PCCB: variants seen among roughly 807,000 people sequenced by gnomAD.
PCCB encodes propionyl-CoA carboxylase beta chain, mitochondrial.
A neutral mutation model predicts 60.7 loss-of-function variants in PCCB; 43 were observed. The ratio of observed to expected loss-of-function variants is 0.71; its 90% CI spans 0.55 to 0.91. The LOEUF (loss-of-function observed/expected upper bound fraction) is 0.91. Ranked by LOEUF, PCCB falls within the 40% of genes least tolerant of loss-of-function variation. The pLI, the probability that PCCB is intolerant of heterozygous loss-of-function variation, is 0.00. For missense variants in PCCB, 766 were observed against 702.8 expected (o/e 1.09, Z -1.02); for synonymous variants, 276 against 255.9 (o/e 1.08, Z -0.75).
At chr3:136,256,200 C>T (rs1166069842) in intron 2 of PCCB, 8 of 616,672 alleles carry the variant, frequency 1.3e-5, no homozygotes, top group Non-Finnish European at 2.2e-5. Context: ...ACCTCGGACT[C>T]CCAAAGTGTT....
intron 6 of PCCB, among the ~76,000 whole-genome samples, chr3:136,292,949 A>G (rs989696606): frequency 6.6e-6 from 1 of 152,132 alleles, no homozygotes; most frequent in African/African-American, 2.4e-5. Context: ...TATATTATCT[A>G]TATATTAGAA....
chr3:136,304,904 A>G (rs1220099039), intron 9 of PCCB, among the ~76,000 whole-genome samples: 2 of 119,426 alleles, frequency 1.7e-5, no homozygotes, highest in African/African-American at 2.5e-5. Context: ...GTTTGCCAGG[A>G]TGGTCTTGAT....
chr3:136,264,237 TAAAG>T (rs1425002340), intron 5 of PCCB, among the ~76,000 whole-genome samples: 1 of 151,972 alleles, frequency 6.6e-6, no homozygotes, highest in Non-Finnish European at 1.5e-5. Flanking sequence ...TGGGTATTTC[TAAAG>T]AATAAAGATA....
At chr3:136,310,950 T>C (rs1934640499) in intron 9 of PCCB, among the ~76,000 whole-genome samples, 1 of 152,162 alleles carries the variant, frequency 6.6e-6, no homozygotes, top group South Asian at 2.1e-4. Context: ...AAATTTGGTA[T>C]AGACCTTTTC....
chr3:136,300,095 CAT>C (rs962123122), intron 8 of PCCB, among the ~76,000 whole-genome samples: 4 of 151,766 alleles, frequency 2.6e-5, no homozygotes, highest in African/African-American at 9.7e-5. Context: ...CATATCTACA[CAT>C]ATACATACAT....
At chr3:136,321,739 A>T (rs971960203) in intron 10 of PCCB, among the ~76,000 whole-genome samples, 1 of 152,314 alleles carries the variant, frequency 6.6e-6, no homozygotes, top group Admixed American at 6.5e-5. Context: ...GGGCACACAG[A>T]GCTATCCCAT....
rs2108137236 is a variant in PCCB, at chr3:136,255,847, C to T, written c.184-9C>T. 1.9e-6 allele frequency: 3 copies of T among 1,613,010 alleles called. No individual in the cohort carries two copies. Among genetic ancestry groups the T allele is most frequent in the South Asian group, 1.1e-5 (1 of 91,058 alleles). On this transcript the variant is annotated splice_polypyrimidine_tract_variant and intron_variant, in intron 1 of 14. Transcript: ENST00000251654. ...ATGACATCACTGAGTGATCTTTGTT[C>T]CATTGTAGGGAAAGCTAACAGCCAG... is the stretch of plus-strand genomic sequence containing the variant.
intron 6 of PCCB, among the ~76,000 whole-genome samples, chr3:136,291,263 A>G (rs1340810088): frequency 1.3e-5 from 2 of 152,106 alleles, no homozygotes; most frequent in African/African-American, 4.8e-5. Flanking sequence ...ACATGCCATT[A>G]CACCTGGCAA....
chr3:136,266,134 T>C (rs1408109004), intron 5 of PCCB, among the ~76,000 whole-genome samples: 2 of 149,796 alleles, frequency 1.3e-5, no homozygotes, highest in African/African-American at 4.9e-5. Context: ...AGCCTTGGTT[T>C]TTTTTTTTTT....
intron 5 of PCCB, among the ~76,000 whole-genome samples, chr3:136,268,110 A>ATATATATATATATATG (rs1942079204): frequency 7.9e-6 from 1 of 126,590 alleles, no homozygotes; most frequent in Non-Finnish European, 1.7e-5. Flanking sequence ...ATATATATAT[A>ATATATATATATATATG]TATATATATA....
At chr3:136,326,775 T>G (rs1560033424) in intron 10 of PCCB, 28 bp from the exon 11 acceptor site, 2 of 1,413,264 alleles carry the variant, frequency 1.4e-6, no homozygotes, top group Non-Finnish European at 2.0e-6. Flanking sequence ...GCCTGGATAC[T>G]CAGTATGGAT....
intron 1 of PCCB, chr3:136,255,647 C>G (rs1186885384): frequency 1.7e-5 from 10 of 592,390 alleles, no homozygotes; most frequent in Non-Finnish European, 3.0e-5. Flanking sequence ...AGTTGGGTGG[C>G]TTCTGGCGCA....
chr3:136,282,010 G>A (rs1164696457), intron 5 of PCCB, among the ~76,000 whole-genome samples: 1 of 152,084 alleles, frequency 6.6e-6, no homozygotes, highest in Non-Finnish European at 1.5e-5. Context: ...GCCAATCAGG[G>A]TTGAAACAAT....
rs144629710 is a variant in PCCB at position 136,261,604 on chromosome 3, A to G, written c.430-348A>G. On this transcript the variant is annotated intron_variant, in intron 4 of 14. Coordinates refer to ENST00000251654, the MANE Select transcript of PCCB (RefSeq NM_000532.5). The stretch of plus-strand genomic sequence containing the variant: ...AAAGTACTACTTTGCCATTCTGTCT[A>G]CTGTAAGTTCTGTCAAAGCAGTACC... 1.2e-3 allele frequency among the ~76,000 whole-genome samples: 182 copies of G among 152,274 alleles called. 1 individual carries two copies. Among genetic ancestry groups the G allele is most frequent in the African/African-American group, 4.1e-3 (171 of 41,552 alleles).
rs537311886 is a variant in PCCB at position 136,273,747 on chromosome 3, C to A, written c.544-10090C>A. ...CTAACACGGTGAAACCCTGTCTCTA[C>A]TGAAAATACAAAAAATTAGCCGGGC... On this transcript the variant is annotated intron_variant, in intron 5 of 14. Transcript: ENST00000251654. 6.1e-4 allele frequency among the ~76,000 whole-genome samples: 91 copies of A among 150,004 alleles called. 1 individual carries two copies. The South Asian group carries it at 8.6e-3, about 14-fold the overall frequency.
Position 136,317,212 on chromosome 3 carries a change from A to AT in PCCB, c.1090+178dup, listed in dbSNP as rs397694948. On this transcript the variant is annotated intron_variant, in intron 10 of 14. Coordinates refer to ENST00000251654, the MANE Select transcript of PCCB (RefSeq NM_000532.5). Reference sequence around the variant, plus strand: ...ATCTAAATGGTTGTTATAAAAGCTAATTTTTTTTTTTTTTTTTTTTTTTTT... The same window carrying AT: ...ATCTAAATGGTTGTTATAAAAGCTAATTTTTTTTTTTTTTTTTTTTTTTTTT... 0.058 allele frequency: 14,691 copies of AT among 254,048 alleles called. 872 individuals carry two copies. The highest frequency in any genetic ancestry group is 0.067 in the East Asian group (366 of 5,432). 15.7% of individuals were successfully genotyped at this position (254,048 alleles called of 1,614,324 possible). A position where few individuals can be genotyped will look rare whatever the true frequency, so the allele number is the denominator to read the frequency against.
rs769652905 is a variant in PCCB, at chr3:136,329,991, C to T, written c.1585C>T (p.Arg529Cys). 4 of 1,614,086 alleles carry T rather than the reference C, an allele frequency of 2.5e-6. No homozygotes were observed. Among genetic ancestry groups the T allele is most frequent in the East Asian group, 4.5e-5 (2 of 44,880 alleles). ...TGTCTTGGCCAGCAAGAAGGTACAA[C>T]GTCCTTGGAGAAAACATGCAAATAT... The part of the protein sequence containing the change: ...LDVLASKKVQ[R>C]PWRKHANIPL Residue 529 changes from arginine (R) to cysteine (C), a missense_variant, in exon 15 of 15, where the codon CGT (arginine) becomes TGT (cysteine). Physicochemically the swap from Arg to Cys is radical, Grantham distance 180. Transcript: ENST00000251654.
chr3:136,319,440 G>A lies in PCCB; in HGVS notation c.1090+2376G>A, dbSNP rs1212917181. Among the ~76,000 whole-genome samples, 6 of 147,814 alleles carry A rather than the reference G, an allele frequency of 4.1e-5. No individual in the cohort carries two copies. In the South Asian group the frequency reaches 8.5e-4, roughly 21 times the overall value. On this transcript the variant is annotated intron_variant, in intron 10 of 14. Transcript: ENST00000251654. ...CGCGCTCTCTTGCTGTCTCCAGCCCGGGCTGGAGTGCAATGGTACGATCTC... is the reference window on the plus strand; with the variant it reads ...CGCGCTCTCTTGCTGTCTCCAGCCCAGGCTGGAGTGCAATGGTACGATCTC...
intron 14 of PCCB, 148 bp downstream of exon 14, chr3:136,329,005 C>A: frequency 1.4e-6 from 1 of 718,860 alleles, no homozygotes. Context: ...GGGCAGTCAT[C>A]ACTTGGACTA....
Sources: gnomAD v4.1 joint callset for allele counts (sites outside exome capture counted in the v4.1 genomes callset) on GRCh38, gnomAD v4.1.1 for gene constraint, MANE v1.5 for transcripts, NCBI Gene and HGNC (gene_info 2026-07-23, HGNC 2026-07-21) for gene names.